KIF26B: variants seen among roughly 807,000 people sequenced by gnomAD.
KIF26B encodes the protein kinesin-like protein KIF26B.
In KIF26B, 63 loss-of-function variants were observed where a neutral mutation model predicts 151.2. The observed-to-expected ratio is 0.42, with a 90% CI of 0.34 to 0.51. The LOEUF (loss-of-function observed/expected upper bound fraction) is 0.51, where lower values mean the gene tolerates loss of function less well. Among genes scored for constraint, KIF26B ranks in the 20% least tolerant of loss-of-function variants. KIF26B has a pLI of 0.07. For missense variants in KIF26B, 2,813 were observed against 2,913.6 expected, an observed-to-expected ratio of 0.97 and a Z score of 0.79; for synonymous variants, 1,357 against 1,262.1, an observed-to-expected ratio of 1.08 and a Z score of -1.59.
chr1:245,588,422 T>A (rs956544095), intron 5 of KIF26B, among the ~76,000 whole-genome samples: 3 of 152,272 alleles, frequency 2.0e-5, no homozygotes, highest in African/African-American at 7.2e-5. Context: ...AAAGGGGCAG[T>A]CAGTGGCTTG....
chr1:245,549,213 T>C (rs1661822782), intron 5 of KIF26B, among the ~76,000 whole-genome samples: 1 of 152,218 alleles, frequency 6.6e-6, no homozygotes, highest in Non-Finnish European at 1.5e-5. Context: ...TTTATCATAA[T>C]TGGTGGACAG....
chr1:245,196,741 A>G (rs991679748), intron 2 of KIF26B, among the ~76,000 whole-genome samples: 2 of 152,130 alleles, frequency 1.3e-5, no homozygotes, highest in Non-Finnish European at 2.9e-5. Context: ...CCAAAATCCC[A>G]TCAAAATCTT....
Position 245,391,104 on chromosome 1 carries a change from G to A in KIF26B, c.999+23737G>A, listed in dbSNP as rs372045147. Among the ~76,000 whole-genome samples, 5 of 151,938 alleles carry A rather than the reference G, an allele frequency of 3.3e-5. No individual in the cohort carries two copies. The East Asian group carries it at 7.7e-4, about 23-fold the overall frequency. The stretch of plus-strand genomic sequence containing the variant: ...ATGTGATTTTTTGATACTATATTAT[G>A]GAATGGGTCAACGTCTGGAAGATAC... On this transcript the variant is annotated intron_variant, in intron 3 of 14. Transcript: ENST00000407071.
chr1:245,190,898 A>G (rs2103532691), intron 2 of KIF26B, among the ~76,000 whole-genome samples: 1 of 150,782 alleles, frequency 6.6e-6, no homozygotes, highest in East Asian at 2.0e-4. Context: ...CATCTCTACT[A>G]AAAATACAAA....
intron 10 of KIF26B, among the ~76,000 whole-genome samples, chr1:245,651,018 CT>C (rs1461081669): frequency 6.6e-6 from 1 of 152,184 alleles, no homozygotes; most frequent in African/African-American, 2.4e-5. Context: ...CCTCCTCTCT[CT>C]GGTAGAGCCT....
In KIF26B at chr1:245,654,651, C is replaced by T. The variant is rs182418535; in HGVS notation, c.2258+8371C>T. Among the ~76,000 whole-genome samples, 9 of 152,318 alleles carry T rather than the reference C, an allele frequency of 5.9e-5. No homozygotes were observed. The East Asian group carries it at 1.5e-3, about 26-fold the overall frequency. On this transcript the variant is annotated intron_variant, in intron 10 of 14. Coordinates refer to ENST00000407071, the MANE Select transcript of KIF26B (RefSeq NM_018012.4). ...GCTTTCTCTGGCTCCAGGACCCCCA[C>T]GAAGGCCTCCTGATTTATCTGGGGC... is the stretch of plus-strand genomic sequence containing the variant.
At chr1:245,294,755 C>T (rs910323309) in intron 2 of KIF26B, among the ~76,000 whole-genome samples, 3 of 152,078 alleles carry the variant, frequency 2.0e-5, no homozygotes, top group African/African-American at 4.8e-5. Flanking sequence ...CTCCACCTCC[C>T]GGGTTCAAGC....
rs867595705 is a variant in KIF26B at position 245,358,958 on chromosome 1, G to A, written c.466-7876G>A. On this transcript the variant is annotated intron_variant, in intron 2 of 14. Coordinates refer to ENST00000407071, the MANE Select transcript of KIF26B (RefSeq NM_018012.4). This position sits in a 1 kb window ranked among gnomAD's most constrained non-coding sequence, Gnocchi z 4.1. ...GGATCCTATTTCCCAACAGCCAAGG[G>A]ATATACTGGAGAACAAGATTTTCAG... 6.6e-6 allele frequency among the ~76,000 whole-genome samples: 1 copy of A among 152,178 alleles called. No homozygotes were observed. The highest frequency in any genetic ancestry group is 2.1e-4 in the South Asian group (1 of 4,814).
intron 4 of KIF26B, among the ~76,000 whole-genome samples, chr1:245,532,356 C>T (rs1245990187): frequency 6.6e-6 from 1 of 151,034 alleles, no homozygotes; most frequent in Non-Finnish European, 1.5e-5. Context: ...CGCCATTCTC[C>T]TGCCTCAGCC....
intron 2 of KIF26B, among the ~76,000 whole-genome samples, chr1:245,365,374 A>G (rs1453589508): frequency 2.0e-5 from 3 of 152,174 alleles, no homozygotes; most frequent in East Asian, 1.9e-4. Flanking sequence ...TTATTAATCA[A>G]TTAATCAGTG....
intron 5 of KIF26B, among the ~76,000 whole-genome samples, chr1:245,577,616 G>GGCGA (rs2043133128): frequency 2.1e-5 from 3 of 141,518 alleles, no homozygotes; most frequent in Non-Finnish European, 4.6e-5. Context: ...GAACTCGGCA[G>GGCGA]TGCATCCCCT....
intron 10 of KIF26B, among the ~76,000 whole-genome samples, chr1:245,683,432 C>A (rs1264697892): frequency 6.6e-6 from 1 of 152,132 alleles, no homozygotes; most frequent in Non-Finnish European, 1.5e-5. Flanking sequence ...AGGAAAAATG[C>A]TGGGACGAGT....
intron 10 of KIF26B, among the ~76,000 whole-genome samples, chr1:245,653,500 A>G (rs1366911421): frequency 6.6e-6 from 1 of 152,132 alleles, no homozygotes; most frequent in Non-Finnish European, 1.5e-5. Context: ...TGCCTTATGG[A>G]TATTTCATTC....
At position 245,685,793 on chromosome 1, in the gene KIF26B, A is replaced by G; in HGVS notation, c.2810A>G (p.Asp937Gly). The change falls in exon 12 of 15, where the codon GAC becomes GGC. Residue 937 changes from aspartate to glycine, a missense_variant. By Grantham distance (94) the Asp-to-Gly change is moderately conservative. Around this residue, in one of 3 missense-constraint regions of KIF26B, gnomAD observed 2,060 missense variants for 2,088.6 expected, o/e 0.99. Coordinates refer to ENST00000407071, the MANE Select transcript of KIF26B (RefSeq NM_018012.4). ...CTGCAGGAGAGGCTGGACTGCATCGACGGCAGCGAGGAGCCCAGCAGCTTT... is the reference window on the plus strand; with the variant it reads ...CTGCAGGAGAGGCTGGACTGCATCGGCGGCAGCGAGGAGCCCAGCAGCTTT... ...AELQERLDCI[D>G]GSEEPSSFPF... 6.2e-7 allele frequency: 1 copy of G among 1,609,912 alleles called. No homozygotes were observed.
chr1:245,246,087 G>A lies in KIF26B; in HGVS notation c.465+89404G>A, dbSNP rs560268756. Among the ~76,000 whole-genome samples, 45 of 111,208 alleles carry A rather than the reference G, an allele frequency of 4.0e-4. 1 individual carries two copies. The highest frequency in any genetic ancestry group is 7.8e-4 in the African/African-American group (23 of 29,420). The allele number at this position is 111,208 out of a possible 152,430, so 73.0% of individuals were successfully genotyped here. A position where few individuals can be genotyped will look rare whatever the true frequency, so the allele number is the denominator to read the frequency against. ...AGCCTGGGCGACAGAGCGAGACTCCGTCTCAAAAAAGAAAAAAAAAAAAAA... is the reference window on the plus strand; with the variant it reads ...AGCCTGGGCGACAGAGCGAGACTCCATCTCAAAAAAGAAAAAAAAAAAAAA... On this transcript the variant is annotated intron_variant, in intron 2 of 14. Coordinates refer to ENST00000407071, the MANE Select transcript of KIF26B (RefSeq NM_018012.4).
At chr1:245,416,105 A>C (rs1389367662) in intron 3 of KIF26B, among the ~76,000 whole-genome samples, 1 of 102,146 alleles carries the variant, frequency 9.8e-6, no homozygotes, top group East Asian at 2.1e-4. Flanking sequence ...CGTCTCTAGT[A>C]AAAATACAAA....
chr1:245,426,685 G>A (rs1177040903), intron 4 of KIF26B, among the ~76,000 whole-genome samples: 1 of 152,164 alleles, frequency 6.6e-6, no homozygotes, highest in Admixed American at 6.5e-5. Context: ...CAGGCCCTGG[G>A]GTCAGGGCTA....
intron 4 of KIF26B, among the ~76,000 whole-genome samples, chr1:245,514,364 T>G (rs1660904379): frequency 6.6e-6 from 1 of 151,938 alleles, no homozygotes; most frequent in Non-Finnish European, 1.5e-5. Flanking sequence ...CCGTCTCTAC[T>G]AAAAATACAA....
rs571915110 is a variant in KIF26B, at chr1:245,160,803, C to T, written c.465+4120C>T. Among the ~76,000 whole-genome samples the T allele has an allele frequency of 1.1e-4, 16 of 152,208 alleles. No homozygotes were observed. The East Asian group carries it at 2.3e-3, about 22-fold the overall frequency. On this transcript the variant is annotated intron_variant, in intron 2 of 14. Transcript: ENST00000407071. Reference sequence around the variant, plus strand: ...ATCACAGAGATGAAAGAAAGGAATGCGTCATAGGGGTTAAAAACGCCAAAC... The same window carrying T: ...ATCACAGAGATGAAAGAAAGGAATGTGTCATAGGGGTTAAAAACGCCAAAC...
Sources: gnomAD v4.1 joint callset for allele counts (sites outside exome capture counted in the v4.1 genomes callset) on GRCh38, gnomAD v4.1.1 for gene constraint, gnomAD v4.1.1 regional missense constraint, Gnocchi (gnomAD v3.1) non-coding constraint, MANE v1.5 for transcripts, NCBI Gene and HGNC (gene_info 2026-07-23, HGNC 2026-07-21) for gene names.